PHF8: variants seen among roughly 807,000 people sequenced by gnomAD.
The protein encoded by PHF8 is histone lysine demethylase PHF8.
Under a neutral mutation model 74.4 loss-of-function variants are expected in PHF8, and 9 were observed. That is an observed-to-expected ratio of 0.12 (90% confidence interval 0.07 to 0.21). The LOEUF (loss-of-function observed/expected upper bound fraction) is 0.21, where lower values mean the gene tolerates loss of function less well. PHF8 is among the 10% of genes least tolerant of loss of function. The pLI, the probability that PHF8 is intolerant of heterozygous loss-of-function variation, is 1.00. For synonymous variants in PHF8, 311 were observed against 316.6 expected, an observed-to-expected ratio of 0.98 and a Z score of 0.19; for missense variants, 478 against 816.6, an observed-to-expected ratio of 0.59 and a Z score of 5.05.
chrX:54,017,699 G>A lies in PHF8; in HGVS notation c.416C>T (p.Ser139Leu), dbSNP rs1557108625. Reference sequence around the variant, plus strand: ...AACATCCCTCACAGTGAATGATGGCGAGGGCAGCGTCATGCCCAACCCATC... The same window carrying A: ...AACATCCCTCACAGTGAATGATGGCAAGGGCAGCGTCATGCCCAACCCATC... ...KKDGLGMTLP[S>L]PSFTVRDVEH... The change falls in exon 5 of 22, where the codon TCG becomes TTG. Residue 139 changes from serine (S) to leucine (L), a missense_variant. Ser to Leu is a moderately radical substitution (Grantham distance 145). Around this residue, in one of 9 missense-constraint regions of PHF8, gnomAD observed 70 missense variants for 234.1 expected, o/e 0.30. Coordinates refer to ENST00000338154, the MANE Select transcript of PHF8 (RefSeq NM_015107.3). 8.3e-7 allele frequency: 1 copy of A among 1,208,745 alleles called. No individual in the cohort carries two copies. The highest frequency in any genetic ancestry group is 2.2e-5 in the Admixed American group (1 of 45,996).
chrX:53,954,843 T>C (rs2064990914), intron 19 of PHF8, among the ~76,000 whole-genome samples: 1 of 111,457 alleles, frequency 9.0e-6, no homozygotes, highest in East Asian at 2.8e-4. Flanking sequence ...TATACCTGTT[T>C]ACTTTTTAAA....
chrX:54,019,397 G>A (rs1557109159), intron 4 of PHF8, among the ~76,000 whole-genome samples: 2 of 110,350 alleles, frequency 1.8e-5, no homozygotes, highest in South Asian at 3.9e-4. Context: ...AGGGAGGTCA[G>A]GGCTGCAGTG....
Position 53,940,256 on chromosome X carries a change from G to A in PHF8, c.2910C>T (p.Thr970=), listed in dbSNP as rs138432802. 2 of 1,197,217 alleles carry A rather than the reference G, an allele frequency of 1.7e-6. No individual in the cohort carries two copies. Among genetic ancestry groups the A allele is most frequent in the African/African-American group, 1.8e-5 (1 of 57,070 alleles). ...AFGMAQANRS[T]TPMAPGVFLT... ...AGAAGACACCGGGGGCCATAGGTGT[G>A]GTGCTGCGGTTTGCCTGGGCCATGC... Residue 970 remains threonine, a synonymous_variant, in exon 21 of 22, where the codon ACC becomes ACT. Transcript: ENST00000338154.
At chrX:54,041,246 T>C (rs1433765718) in intron 2 of PHF8, among the ~76,000 whole-genome samples, 1 of 108,916 alleles carries the variant, frequency 9.2e-6, no homozygotes, top group African/African-American at 3.3e-5. Flanking sequence ...TTGCCGGGCG[T>C]GGTGGCGTGC....
intron 8 of PHF8, among the ~76,000 whole-genome samples, chrX:54,010,402 G>A (rs925291709): frequency 8.9e-5 from 10 of 111,913 alleles, no homozygotes; most frequent in Admixed American, 8.5e-4. Flanking sequence ...TCCTTGAAGA[G>A]CAGATGATCG....
chrX:53,964,774 G>A (rs184467340), intron 18 of PHF8, among the ~76,000 whole-genome samples: 141 of 108,789 alleles, frequency 1.3e-3, no homozygotes, highest in Non-Finnish European at 1.4e-3. Context: ...GGCTGACGCA[G>A]GAGAATCACT....
At position 53,958,775 on chromosome X, in the gene PHF8, C is replaced by CAAA. The variant is rs1203323417; in HGVS notation, c.2539+4066_2539+4068dup. Among the ~76,000 whole-genome samples the CAAA allele has an allele frequency of 9.9e-4, 13 of 13,160 alleles. 1 individual carries two copies. The highest frequency in any genetic ancestry group is 2.6e-3 in the African/African-American group (11 of 4,225). The allele number at this position is 13,160 out of a possible 115,157, so 11.4% of individuals were successfully genotyped here. A position where few individuals can be genotyped will look rare whatever the true frequency, so the allele number is the denominator to read the frequency against. On this transcript the variant is annotated intron_variant, in intron 19 of 21. Coordinates refer to ENST00000338154, the MANE Select transcript of PHF8 (RefSeq NM_015107.3). ...TGGGCGACAGAGCAAGACTCCCTCT[C>CAAA]AAAAAAAAAAAAAAAAAAAAAAAAA...
Position 54,002,146 on chromosome X carries a change from G to A in PHF8, c.1141+9C>T, listed in dbSNP as rs782390465. 5 of 1,082,434 alleles carry A rather than the reference G, an allele frequency of 4.6e-6. No individual in the cohort carries two copies. Among genetic ancestry groups the A allele is most frequent in the African/African-American group, 1.8e-5 (1 of 54,445 alleles). 89.2% of individuals were successfully genotyped at this position (1,082,434 alleles called of 1,213,427 possible). A position where few individuals can be genotyped will look rare whatever the true frequency, so the allele number is the denominator to read the frequency against. Reference sequence around the variant, plus strand: ...GGGCAAAAAGGACAGTTGGCAAAGGGCTCCATACCGCGAAAGATGTCCAGG... The same window carrying A: ...GGGCAAAAAGGACAGTTGGCAAAGGACTCCATACCGCGAAAGATGTCCAGG... On this transcript the variant is annotated intron_variant, in intron 10 of 21. Transcript: ENST00000338154.
chrX:53,985,588 C>T (rs782654334), intron 17 of PHF8, among the ~76,000 whole-genome samples: 17 of 111,432 alleles, frequency 1.5e-4, no homozygotes, highest in Non-Finnish European at 3.2e-4. Context: ...TCCTAAGTGC[C>T]CAAAATTGAT....
At chrX:53,957,482 T>C (rs1018654130) in intron 19 of PHF8, among the ~76,000 whole-genome samples, 1 of 110,606 alleles carries the variant, frequency 9.0e-6, no homozygotes, top group African/African-American at 3.3e-5. Flanking sequence ...GATCATGCCA[T>C]TGCACTCCAG....
At chrX:53,984,874 A>T (rs782750854) in intron 18 of PHF8, 40 bp downstream of exon 18, 3 of 1,056,677 alleles carry the variant, frequency 2.8e-6, no homozygotes, top group East Asian at 3.0e-5. Context: ...GACTGAGGAG[A>T]CCCCTTCTGG....
intron 2 of PHF8, among the ~76,000 whole-genome samples, chrX:54,028,033 G>A (rs961992542): frequency 9.2e-6 from 1 of 108,824 alleles, no homozygotes; most frequent in Admixed American, 9.9e-5. Flanking sequence ...GGGGGGGCCA[G>A]GAAGAATGGT....
At position 53,985,217 on chromosome X, in the gene PHF8, C is replaced by T; in HGVS notation, c.2140G>A (p.Ala714Thr). 1 of 1,197,219 alleles carries T rather than the reference C, an allele frequency of 8.4e-7. No homozygotes were observed. The highest frequency in any genetic ancestry group is 1.1e-6 in the Non-Finnish European group (1 of 886,781). Reference sequence around the variant, plus strand: ...ATGGCCTCCTGAGTGCTGGGAGAAGCTGGGGCCTCGCTGCAAGGAACAGAG... The same window carrying T: ...ATGGCCTCCTGAGTGCTGGGAGAAGTTGGGGCCTCGCTGCAAGGAACAGAG... ...PDYAALTEAP[A>T]SPSTQEAIQG... Residue 714 changes from alanine (A) to threonine (T), a missense_variant, in exon 18 of 22, where the codon GCT becomes ACT. By Grantham distance (58) the Ala-to-Thr change is moderately conservative (BLOSUM62 0). This residue lies in a region of PHF8 where 45 missense variants were observed against 94.4 expected (regional missense o/e 0.48). Coordinates refer to ENST00000338154, the MANE Select transcript of PHF8 (RefSeq NM_015107.3).
chrX:54,031,393 C>G (rs112213906), intron 2 of PHF8, among the ~76,000 whole-genome samples: 1,376 of 109,650 alleles, frequency 0.013, 24 homozygotes, highest in African/African-American at 0.042. Context: ...ATCCACCATT[C>G]CCACCGCCCC....
At chrX:53,992,896 T>C (rs953881956) in intron 13 of PHF8, 57 bp from the exon 14 acceptor site, 168 of 792,282 alleles carry the variant, frequency 2.1e-4, no homozygotes, top group Non-Finnish European at 3.0e-4. Context: ...GGAATCACGA[T>C]GGCAAGTTCC....
chrX:53,998,272 G>A (rs2065777995), intron 11 of PHF8, among the ~76,000 whole-genome samples: 1 of 109,433 alleles, frequency 9.1e-6, no homozygotes, highest in Non-Finnish European at 1.9e-5. Context: ...TGGCCAACAT[G>A]GTGAAACCCC....
rs782762274 is a variant in PHF8 at position 53,985,024 on chromosome X, C to T, written c.2333G>A (p.Arg778Gln). 4.1e-6 allele frequency: 5 copies of T among 1,210,633 alleles called. No individual in the cohort carries two copies. Among genetic ancestry groups the T allele is most frequent in the Non-Finnish European group, 5.6e-6 (5 of 894,360 alleles). Reference sequence around the variant, plus strand: ...CCAGTATGCTGGCCGCTTGATGGGCCGCTTCCCTGGGGTGCGCTGGGAAGC... The same window carrying T: ...CCAGTATGCTGGCCGCTTGATGGGCTGCTTCCCTGGGGTGCGCTGGGAAGC... ...SPASQRTPGK[R>Q]PIKRPAYWRT... Residue 778 changes from arginine (R) to glutamine (Q), a missense_variant, in exon 18 of 22, where the codon CGG becomes CAG. Around this residue, in one of 9 missense-constraint regions of PHF8, gnomAD observed 51 missense variants for 45.8 expected, o/e 1.11. Coordinates refer to ENST00000338154, the MANE Select transcript of PHF8 (RefSeq NM_015107.3).
In PHF8 at chrX:54,020,221, C is replaced by T. The variant is rs1269452181; in HGVS notation, c.293+2038G>A. Among the ~76,000 whole-genome samples the T allele has an allele frequency of 2.7e-5, 3 of 112,031 alleles. No homozygotes were observed. The Admixed American group carries it at 2.9e-4, about 11-fold the overall frequency. On this transcript the variant is annotated intron_variant, in intron 4 of 21. Coordinates refer to ENST00000338154, the MANE Select transcript of PHF8 (RefSeq NM_015107.3). ...AAATAAATAAAATAAAACAAACAAA[C>T]AAACAAATATTGGCTAGGATATAGG...
chrX:54,033,711 C>T (rs782016991), intron 2 of PHF8, among the ~76,000 whole-genome samples: 3 of 109,529 alleles, frequency 2.7e-5, no homozygotes, highest in Non-Finnish European at 3.8e-5. Flanking sequence ...GAAACTCCAT[C>T]TCAGAAAAAA....
Sources: gnomAD v4.1 joint callset for allele counts (sites outside exome capture counted in the v4.1 genomes callset) on GRCh38, gnomAD v4.1.1 for gene constraint, gnomAD v4.1.1 regional missense constraint, MANE v1.5 for transcripts, NCBI Gene and HGNC (gene_info 2026-07-23, HGNC 2026-07-21) for gene names.